The following APP variants were observed in gnomAD, a reference collection of about 807,000 sequenced individuals.
APP encodes amyloid beta precursor protein, also known as amyloid-beta precursor protein.
In APP, 31 loss-of-function variants were observed where a neutral mutation model predicts 101.4. The observed-to-expected ratio is 0.31, with a 90% CI of 0.23 to 0.41. The LOEUF (loss-of-function observed/expected upper bound fraction) is 0.41, where lower values mean the gene tolerates loss of function less well. APP is among the 10% of genes least tolerant of loss of function. The pLI is 1.00. For synonymous variants in APP, 366 were observed against 364.4 expected, an observed-to-expected ratio of 1.00 and a Z score of -0.05; for missense variants, 839 against 1,003.7, an observed-to-expected ratio of 0.84 and a Z score of 2.22.
intron 9 of APP, among the ~76,000 whole-genome samples, chr21:25,978,491 G>A (rs569524448): frequency 1.3e-5 from 2 of 152,300 alleles, no homozygotes; most frequent in East Asian, 1.9e-4. Context: ...AAAAAAGGGA[G>A]AGGGAAGAAT....
chr21:25,895,499 T>C (rs1370758961), intron 16 of APP, among the ~76,000 whole-genome samples: 1 of 152,132 alleles, frequency 6.6e-6, no homozygotes, highest in Non-Finnish European at 1.5e-5. Context: ...AGCCAAAAAA[T>C]TTGTGTGACA....
intron 5 of APP, among the ~76,000 whole-genome samples, chr21:26,030,781 C>A (rs748783638): frequency 1.3e-5 from 2 of 152,158 alleles, no homozygotes; most frequent in Non-Finnish European, 1.5e-5. Context: ...TGTGAACGAG[C>A]AAATTCCTCA....
intron 5 of APP, among the ~76,000 whole-genome samples, chr21:26,050,615 CT>C (rs2045797631): frequency 6.6e-6 from 1 of 151,714 alleles, no homozygotes; most frequent in Admixed American, 6.6e-5. Flanking sequence ...CAAACCAAAC[CT>C]TTAACGAAAA....
At chr21:26,082,860 C>CTT (rs10659691) in intron 3 of APP, among the ~76,000 whole-genome samples, 20,861 of 152,150 alleles carry the variant, frequency 0.14, 1,945 homozygotes, top group African/African-American at 0.25. Flanking sequence ...GAATACGTAA[C>CTT]TGACCTTTTA....
intron 11 of APP, among the ~76,000 whole-genome samples, chr21:25,959,969 T>C (rs1183655803): frequency 6.6e-6 from 1 of 152,222 alleles, no homozygotes; most frequent in African/African-American, 2.4e-5. Context: ...TTGATAATAA[T>C]GTTCCCGGAC....
chr21:25,981,769 G>A (rs1441924563), intron 9 of APP, among the ~76,000 whole-genome samples: 1 of 145,838 alleles, frequency 6.9e-6, no homozygotes, highest in East Asian at 2.0e-4. Context: ...TGTACTAGGA[G>A]CAAGAAAGGC....
chr21:25,945,875 T>C (rs1295104347), intron 13 of APP: 1 of 455,402 alleles, frequency 2.2e-6, no homozygotes, highest in Non-Finnish European at 4.4e-6. Flanking sequence ...AGAAATGTGG[T>C]CTTGCCATGT....
intron 11 of APP, among the ~76,000 whole-genome samples, chr21:25,968,095 T>C (rs893154497): frequency 6.6e-6 from 1 of 152,226 alleles, no homozygotes; most frequent in Non-Finnish European, 1.5e-5. Context: ...AACTTTTTTT[T>C]CCCATGGGGA....
At chr21:25,902,379 A>G (rs2038547348) in intron 15 of APP, among the ~76,000 whole-genome samples, 1 of 152,246 alleles carries the variant, frequency 6.6e-6, no homozygotes, top group African/African-American at 2.4e-5. Flanking sequence ...CGGGGAAATT[A>G]GCCCAAATGT....
At chr21:25,961,562 T>C (rs535784340) in intron 11 of APP, among the ~76,000 whole-genome samples, 85 of 152,338 alleles carry the variant, frequency 5.6e-4, no homozygotes, top group Admixed American at 5.0e-3. Context: ...CTCACAACTT[T>C]TGGCCAAAAT....
intron 1 of APP, among the ~76,000 whole-genome samples, chr21:26,147,283 T>G (rs1044091241): frequency 6.6e-6 from 1 of 152,202 alleles, no homozygotes; most frequent in Non-Finnish European, 1.5e-5. Flanking sequence ...TGTTTCCACC[T>G]AGGGTCTCAT....
chr21:25,974,697 T>A (rs1048076150), intron 11 of APP, among the ~76,000 whole-genome samples: 1 of 152,180 alleles, frequency 6.6e-6, no homozygotes, highest in Non-Finnish European at 1.5e-5. Flanking sequence ...GTCTATGGTA[T>A]TCTGTTACAG....
At chr21:26,061,205 A>G (rs545197562) in intron 3 of APP, among the ~76,000 whole-genome samples, 1 of 152,352 alleles carries the variant, frequency 6.6e-6, no homozygotes, top group African/African-American at 2.4e-5. Flanking sequence ...GCTTGTTTCT[A>G]TTCCAACAGC....
In APP at chr21:25,891,737, A is replaced by G. The variant is rs1178499268; in HGVS notation, c.2196T>C (p.His732=). Residue 732 remains histidine, a synonymous_variant, in exon 17 of 18, where the codon CAT becomes CAC. Transcript: ENST00000346798. The part of the protein sequence containing the change: ...MLKKKQYTSI[H]HGVVEVDAAV... ...GTTTACCTACCTCCACCACACCATGATGAATGGATGTGTACTGTTTCTTCT... is the reference window on the plus strand; with the variant it reads ...GTTTACCTACCTCCACCACACCATGGTGAATGGATGTGTACTGTTTCTTCT... 1 of 1,614,050 alleles carries G rather than the reference A, an allele frequency of 6.2e-7. No individual in the cohort carries two copies. The highest frequency in any genetic ancestry group is 8.5e-7 in the Non-Finnish European group (1 of 1,180,014).
intron 2 of APP, among the ~76,000 whole-genome samples, chr21:26,109,058 C>G (rs2062251065): frequency 6.6e-6 from 1 of 152,132 alleles, no homozygotes; most frequent in Non-Finnish European, 1.5e-5. Context: ...TGTGTATCAT[C>G]CAACAAGACT....
chr21:26,171,114 C>T (rs1204669107), upstream of APP: 1 of 153,144 alleles, frequency 6.5e-6, no homozygotes, highest in East Asian at 1.9e-4. Flanking sequence ...TCCCCGTGAG[C>T]TTGAATCATC....
At chr21:26,002,078 C>T (rs2043320617) in intron 6 of APP, among the ~76,000 whole-genome samples, 1 of 152,202 alleles carries the variant, frequency 6.6e-6, no homozygotes, top group Non-Finnish European at 1.5e-5. Context: ...GGAGCGTGGA[C>T]TTTGAAAGCA....
intron 11 of APP, among the ~76,000 whole-genome samples, chr21:25,970,771 T>C (rs117884138): frequency 0.021 from 3,272 of 152,214 alleles, 38 homozygotes; most frequent in Non-Finnish European, 0.033. Flanking sequence ...TCTCCCGAGG[T>C]TGCAGTGATA....
intron 1 of APP, among the ~76,000 whole-genome samples, chr21:26,165,502 T>C (rs1302424101): frequency 1.3e-5 from 2 of 152,252 alleles, no homozygotes; most frequent in East Asian, 1.9e-4. Flanking sequence ...TAAACTCTCC[T>C]GATTAGTGTG....
Sources: gnomAD v4.1 joint callset for allele counts (sites outside exome capture counted in the v4.1 genomes callset) on GRCh38, gnomAD v4.1.1 for gene constraint, MANE v1.5 for transcripts, NCBI Gene and HGNC (gene_info 2026-07-23, HGNC 2026-07-21) for gene names.